FARP2: variants seen among roughly 807,000 people sequenced by gnomAD.
FARP2 encodes FERM, ARHGEF and pleckstrin domain-containing protein 2.
A neutral mutation model predicts 130.5 loss-of-function variants in FARP2; 111 were observed. That is an observed-to-expected ratio of 0.85 (90% CI 0.73 to 1.00). The LOEUF (loss-of-function observed/expected upper bound fraction) is 1.00, where lower values mean the gene tolerates loss of function less well. Among genes scored for constraint, FARP2 ranks in the 50% least tolerant of loss-of-function variants. FARP2 has a pLI of 0.00. For missense variants in FARP2, 1,385 were observed against 1,346.3 expected (o/e 1.03, Z -0.45); for synonymous variants, 504 against 516.9 (o/e 0.98, Z 0.34).
At chr2:241,469,531 G>C (rs774847479) in intron 18 of FARP2, among the ~76,000 whole-genome samples, 13 of 152,216 alleles carry the variant, frequency 8.5e-5, no homozygotes, top group Non-Finnish European at 1.5e-4. Context: ...ATACAATGTT[G>C]ACGATTCTCT....
chr2:241,473,410 C>A (rs1468778854), intron 18 of FARP2, among the ~76,000 whole-genome samples: 1 of 151,922 alleles, frequency 6.6e-6, no homozygotes, highest in African/African-American at 2.4e-5. Context: ...TTCTGAGGGA[C>A]CCTGTTCTGC....
At chr2:241,487,925 T>C (rs1574913751) in intron 21 of FARP2, among the ~76,000 whole-genome samples, 1 of 151,552 alleles carries the variant, frequency 6.6e-6, no homozygotes, top group Non-Finnish European at 1.5e-5. Context: ...TTTTTTGTAT[T>C]TTTTAGTAGA....
At chr2:241,384,942 A>G (rs977779678) in intron 2 of FARP2, among the ~76,000 whole-genome samples, 2 of 152,242 alleles carry the variant, frequency 1.3e-5, no homozygotes, top group Non-Finnish European at 2.9e-5. Context: ...AATTTCTTAA[A>G]AACATAGAAA....
Position 241,475,911 on chromosome 2 carries a change from G to T in FARP2, c.2186G>T (p.Arg729Leu). The change falls in exon 19 of 27, where the codon CGG becomes CTG. Residue 729 changes from arginine (R) to leucine (L), a missense_variant. Coordinates refer to ENST00000264042, the MANE Select transcript of FARP2 (RefSeq NM_014808.4). The surrounding 1 kb of genome is among the most constrained non-coding windows in gnomAD (Gnocchi z 4.4). ...VTTTLQHILI[R>L]LENLQKLTEL... ...ACCACACTACAGCACATTCTCATCC[G>T]GCTGGAGAACCTGCAGAAGCTAACG... The T allele has an allele frequency of 6.2e-7, 1 of 1,613,950 alleles. No homozygotes were observed. The highest frequency in any genetic ancestry group is 8.5e-7 in the Non-Finnish European group (1 of 1,179,924).
At chr2:241,398,386 A>G (rs1159803718) in intron 2 of FARP2, among the ~76,000 whole-genome samples, 2 of 152,198 alleles carry the variant, frequency 1.3e-5, no homozygotes, top group African/African-American at 4.8e-5. Flanking sequence ...TATCAGGTAC[A>G]TGAATACAAT....
intron 14 of FARP2, among the ~76,000 whole-genome samples, chr2:241,461,142 C>A (rs963804865): frequency 2.0e-5 from 3 of 152,196 alleles, no homozygotes; most frequent in Non-Finnish European, 4.4e-5. Context: ...TCCTCCCAAA[C>A]CTCCAGTCAT....
In FARP2 at chr2:241,468,262, GCCTCTCAACAC is replaced by G; in HGVS notation, c.2017_2027del (p.Pro673ValfsTer29). On this transcript the variant is annotated frameshift_variant, in exon 18 of 27. Coordinates refer to ENST00000264042, the MANE Select transcript of FARP2 (RefSeq NM_014808.4). LOFTEE classifies it high-confidence loss of function. ...TTGAGCTGCAGAAGGTCTGCTACTT[GCCTCTCAACAC>G]GTTCCTGCTGAAGCCCATCCAGCGG... 1 of 1,614,014 alleles carries G rather than the reference GCCTCTCAACAC, an allele frequency of 6.2e-7. No homozygotes were observed. The highest frequency in any genetic ancestry group is 8.5e-7 in the Non-Finnish European group (1 of 1,180,002).
At chr2:241,468,611 C>G (rs554627933) in intron 18 of FARP2, among the ~76,000 whole-genome samples, 21 of 152,364 alleles carry the variant, frequency 1.4e-4, no homozygotes, top group Non-Finnish European at 2.2e-4. Flanking sequence ...CTCCTCCACC[C>G]TCAGGCAAGG....
chr2:241,363,808 A>G (rs1423271439), intron 1 of FARP2, among the ~76,000 whole-genome samples: 2 of 152,276 alleles, frequency 1.3e-5, no homozygotes, highest in Non-Finnish European at 2.9e-5. Flanking sequence ...AGCATTCCCC[A>G]TAGGATTTAA....
chr2:241,467,636 A>G (rs2064205797), intron 17 of FARP2, among the ~76,000 whole-genome samples: 1 of 148,066 alleles, frequency 6.8e-6, no homozygotes, highest in African/African-American at 2.5e-5. Flanking sequence ...AGCTAGATCC[A>G]GTCTCAAAAA....
Position 241,491,076 on chromosome 2 carries a change from A to T in FARP2, c.2520A>T (p.Lys840Asn). 2.5e-6 allele frequency: 4 copies of T among 1,613,346 alleles called. No homozygotes were observed. Among genetic ancestry groups the T allele is most frequent in the Non-Finnish European group, 3.4e-6 (4 of 1,179,732 alleles). Residue 840 changes from lysine (K) to asparagine (N), a missense_variant, in exon 23 of 27, where the codon AAA becomes AAT. Transcript: ENST00000264042. ...CTCCCTGCAGCACTCGGCTGGAGAAAGAGAAGTGGATGCTGGACCTGAACT... is the reference window on the plus strand; with the variant it reads ...CTCCCTGCAGCACTCGGCTGGAGAATGAGAAGTGGATGCTGGACCTGAACT... The part of the protein sequence containing the change: ...IVVAASTRLE[K>N]EKWMLDLNSA...
At chr2:241,455,741 T>C (rs1000904327) in intron 13 of FARP2, among the ~76,000 whole-genome samples, 4 of 132,610 alleles carry the variant, frequency 3.0e-5, no homozygotes, top group Non-Finnish European at 6.2e-5. Flanking sequence ...TTTTCTTTTT[T>C]TTTTTTTTTT....
At chr2:241,366,123 G>C (rs13021002) in intron 1 of FARP2, among the ~76,000 whole-genome samples, 5 of 88,030 alleles carry the variant, frequency 5.7e-5, no homozygotes, top group African/African-American at 9.0e-5. Flanking sequence ...ATATATATAC[G>C]TATATATATA....
rs571786928 is a variant in FARP2, at chr2:241,378,505, C to T, written c.183+5215C>T. On this transcript the variant is annotated intron_variant, in intron 2 of 26. Coordinates refer to ENST00000264042, the MANE Select transcript of FARP2 (RefSeq NM_014808.4). ...AAACTCACTGCAGCCTTGACCTCCCCGGGTTCAGGTGATCGTCCTGCCTCA... is the reference window on the plus strand; with the variant it reads ...AAACTCACTGCAGCCTTGACCTCCCTGGGTTCAGGTGATCGTCCTGCCTCA... Among the ~76,000 whole-genome samples, 7 of 147,630 alleles carry T rather than the reference C, an allele frequency of 4.7e-5. No individual in the cohort carries two copies. The East Asian group carries it at 1.0e-3, about 21-fold the overall frequency.
At chr2:241,490,140 C>T (rs2064857451) in intron 22 of FARP2, 96 bp downstream of exon 22, 1 of 853,844 alleles carries the variant, frequency 1.2e-6, no homozygotes, top group African/African-American at 1.7e-5. Context: ...CTGTGAGGAG[C>T]CATGTAGCCT....
intron 21 of FARP2, among the ~76,000 whole-genome samples, chr2:241,487,080 G>C (rs987417522): frequency 1.3e-5 from 2 of 152,230 alleles, no homozygotes; most frequent in African/African-American, 4.8e-5. Context: ...CCATTGGTCT[G>C]TGAGTTTTTT....
chr2:241,368,178 A>G lies in FARP2; in HGVS notation c.-24-4906A>G, dbSNP rs527477738. 2.4e-3 allele frequency among the ~76,000 whole-genome samples: 359 copies of G among 152,252 alleles called. 3 individuals are homozygous for G. Among genetic ancestry groups the G allele is most frequent in the Non-Finnish European group, 3.3e-3 (223 of 68,040 alleles). On this transcript the variant is annotated intron_variant, in intron 1 of 26. Transcript: ENST00000264042. ...CACAAGAGCCGAGTTTGTAGTAGGC[A>G]GGACCAAATGTCAGTAGTGCAAATT...
At chr2:241,465,660 T>C (rs1374244306) in intron 17 of FARP2, 1 of 1,550,876 alleles carries the variant, frequency 6.4e-7, no homozygotes, top group Admixed American at 2.0e-5. Flanking sequence ...GGAACAGTTC[T>C]CCCTCCCTCT....
intron 2 of FARP2, among the ~76,000 whole-genome samples, chr2:241,398,444 C>CTTGTT (rs2150339955): frequency 6.6e-6 from 1 of 152,214 alleles, no homozygotes; most frequent in South Asian, 2.1e-4. Context: ...CTGTGGTTTG[C>CTTGTT]TTGTTTGTTC....
Sources: allele counts gnomAD v4.1 joint callset (sites outside exome capture counted in the v4.1 genomes callset), GRCh38; gene constraint gnomAD v4.1.1; non-coding constraint Gnocchi (gnomAD v3.1); transcripts MANE v1.5; gene names NCBI Gene and HGNC (gene_info 2026-07-23, HGNC 2026-07-21).